The following WDR35 variants were observed in gnomAD, a reference collection of about 807,000 sequenced individuals.
WDR35 encodes the protein WD repeat domain 35.
Under a neutral mutation model 158.3 loss-of-function variants are expected in WDR35, and 118 were observed. The ratio of observed to expected loss-of-function variants is 0.75; its 90% confidence interval spans 0.64 to 0.87. The LOEUF is 0.87. Ranked by LOEUF, WDR35 falls within the 40% of genes least tolerant of loss-of-function variation. The pLI, the probability that WDR35 is intolerant of heterozygous loss-of-function variation, is 0.00. For synonymous variants in WDR35, 448 were observed against 476.1 expected, an observed-to-expected ratio of 0.94 and a Z score of 0.77; for missense variants, 1,263 against 1,405.8, an observed-to-expected ratio of 0.90 and a Z score of 1.62.
In WDR35 at chr2:19,990,009, A is replaced by G; in HGVS notation, c.7T>C (p.Phe3Leu). Residue 3 changes from phenylalanine to leucine, a missense_variant, in exon 1 of 27, where the codon TTC becomes CTC. Transcript: ENST00000281405. MF[F>L]YLSKKISIPN... ...AAACTCACTTTCTTGCTCAGGTAGA[A>G]GAACATCGTGGGATCCCCGAGAGGG... The G allele has an allele frequency of 2.5e-6, 4 of 1,614,050 alleles. No individual in the cohort carries two copies. The highest frequency in any genetic ancestry group is 3.4e-6 in the Non-Finnish European group (4 of 1,179,976).
chr2:19,971,618 T>C (rs780527647), intron 8 of WDR35, among the ~76,000 whole-genome samples: 3 of 152,162 alleles, frequency 2.0e-5, no homozygotes, highest in Non-Finnish European at 4.4e-5. Flanking sequence ...TTGAGCTCCA[T>C]TTTCCCAAGG....
intron 2 of WDR35, among the ~76,000 whole-genome samples, chr2:19,987,559 C>T (rs1307736734): frequency 3.9e-5 from 6 of 152,088 alleles, no homozygotes. Flanking sequence ...CACGGTGGCT[C>T]ACACCTGTAA....
intron 11 of WDR35, among the ~76,000 whole-genome samples, chr2:19,954,456 A>G (rs1283292107): frequency 6.6e-6 from 1 of 152,226 alleles, no homozygotes; most frequent in East Asian, 1.9e-4. Flanking sequence ...AAATATAAAG[A>G]ACTCTTACAA....
chr2:19,914,092 T>A lies in WDR35; in HGVS notation c.3307A>T (p.Thr1103Ser), dbSNP rs774898515. 183 of 1,614,060 alleles carry A rather than the reference T, an allele frequency of 1.1e-4. No individual in the cohort carries two copies. Among genetic ancestry groups the A allele is most frequent in the Non-Finnish European group, 1.5e-4 (178 of 1,180,012 alleles). The change falls in exon 26 of 27, where the codon ACC (threonine) becomes TCC (serine). Residue 1103 changes from threonine (T) to serine (S), a missense_variant. Thr to Ser is a moderately conservative substitution (Grantham distance 58). Transcript: ENST00000281405. ...QYEDLALEIF[T>S]KHTSKDNRKP... ...CTGTTATCTTTTGAAGTATGTTTGG[T>A]GAAGATTTCTAAAGCAAGGTCTTCA...
chr2:19,938,553 T>A, intron 17 of WDR35, 152 bp from the exon 18 acceptor site: 1 of 1,059,442 alleles, frequency 9.4e-7, no homozygotes, highest in Non-Finnish European at 1.3e-6. Context: ...CACGTTTGGG[T>A]CTTTTGAGTT....
intron 9 of WDR35, among the ~76,000 whole-genome samples, chr2:19,967,302 C>T (rs1288461930): frequency 6.6e-6 from 1 of 151,944 alleles, no homozygotes; most frequent in Non-Finnish European, 1.5e-5. Flanking sequence ...GCCTTTTTAC[C>T]CCCATCCATA....
chr2:19,970,613 T>A (rs1462053545), intron 8 of WDR35, among the ~76,000 whole-genome samples: 1 of 152,272 alleles, frequency 6.6e-6, no homozygotes, highest in Non-Finnish European at 1.5e-5. Flanking sequence ...TTCTTTAGCA[T>A]GGCATACAAT....
At chr2:19,932,479 A>T (rs746223182) in intron 22 of WDR35, 32 bp from the exon 23 acceptor site, 31 of 1,612,370 alleles carry the variant, frequency 1.9e-5, no homozygotes, top group South Asian at 1.6e-4. Context: ...TCAGTCACCC[A>T]AGTATTTACA....
At chr2:19,980,900 G>A in intron 3 of WDR35, 117 bp from the exon 4 acceptor site, 1 of 858,758 alleles carries the variant, frequency 1.2e-6, no homozygotes, top group Admixed American at 2.2e-5. Flanking sequence ...CAGCTAACTA[G>A]TCTTTAATAT....
intron 23 of WDR35, among the ~76,000 whole-genome samples, chr2:19,931,981 A>C (rs544374302): frequency 3.3e-5 from 5 of 152,246 alleles, no homozygotes; most frequent in Admixed American, 1.3e-4. Context: ...CTCTATTATC[A>C]ACAAAATTTA....
At chr2:19,948,095 C>A in intron 14 of WDR35, 69 bp downstream of exon 14, 3 of 1,324,980 alleles carry the variant, frequency 2.3e-6, no homozygotes, top group East Asian at 5.1e-5. Context: ...GGGGCACACA[C>A]CTGGCTCCTA....
At chr2:19,949,776 G>C (rs1055947597) in intron 13 of WDR35, among the ~76,000 whole-genome samples, 1 of 152,160 alleles carries the variant, frequency 6.6e-6, no homozygotes, top group Non-Finnish European at 1.5e-5. Context: ...GCCAATTTGA[G>C]GGAAATTTAG....
intron 25 of WDR35, among the ~76,000 whole-genome samples, chr2:19,917,510 G>A (rs1211904167): frequency 1.3e-5 from 2 of 152,150 alleles, no homozygotes; most frequent in South Asian, 2.1e-4. Context: ...AAGGTTAGAC[G>A]AATTGCTAAC....
At position 19,912,800 on chromosome 2, in the gene WDR35, T is replaced by C. The variant is rs948861492; in HGVS notation, c.*758A>G. ...AAAATCACTCCCTCAACAATACTTG[T>C]GTAAATAAACGGTCCAACTTAGTGA... On this transcript the variant is annotated 3_prime_UTR_variant, in exon 27 of 27. Coordinates refer to ENST00000281405, the MANE Select transcript of WDR35 (RefSeq NM_020779.4). 3 of 152,334 alleles carry C rather than the reference T, an allele frequency of 2.0e-5. No individual in the cohort carries two copies. The highest frequency in any genetic ancestry group is 2.9e-5 in the Non-Finnish European group (2 of 68,028). 9.4% of individuals were successfully genotyped at this position (152,334 alleles called of 1,614,324 possible). A position where few individuals can be genotyped will look rare whatever the true frequency, so the allele number is the denominator to read the frequency against.
rs558623198 is a variant in WDR35 at position 19,939,632 on chromosome 2, G to A, written c.1927-1231C>T. On this transcript the variant is annotated intron_variant, in intron 17 of 26. Coordinates refer to ENST00000281405, the MANE Select transcript of WDR35 (RefSeq NM_020779.4). ...AAATCCATATTTCCATATATAACTTGCAGCTGTAAGGAATGATGTTCTGAT... is the reference window on the plus strand; with the variant it reads ...AAATCCATATTTCCATATATAACTTACAGCTGTAAGGAATGATGTTCTGAT... 3.9e-5 allele frequency among the ~76,000 whole-genome samples: 6 copies of A among 152,072 alleles called. 2 individuals carry two copies. The South Asian group carries it at 1.2e-3, about 32-fold the overall frequency.
At chr2:19,954,346 C>T (rs1162054440) in intron 11 of WDR35, among the ~76,000 whole-genome samples, 1 of 152,110 alleles carries the variant, frequency 6.6e-6, no homozygotes, top group Non-Finnish European at 1.5e-5. Context: ...AAATTAAAAA[C>T]ATTTGGGCTT....
At chr2:19,931,945 A>C (rs971776400) in intron 23 of WDR35, among the ~76,000 whole-genome samples, 1 of 152,140 alleles carries the variant, frequency 6.6e-6, no homozygotes, top group African/African-American at 2.4e-5. Context: ...AATATTTAAA[A>C]CTTGTACATT....
At chr2:19,920,452 C>T (rs879588463) in intron 25 of WDR35, among the ~76,000 whole-genome samples, 11 of 152,220 alleles carry the variant, frequency 7.2e-5, no homozygotes, top group Non-Finnish European at 1.6e-4. Flanking sequence ...ATATAATCCA[C>T]CACATAAACA....
At chr2:19,966,637 C>T in intron 10 of WDR35, 87 bp downstream of exon 10, 1 of 1,467,892 alleles carries the variant, frequency 6.8e-7, no homozygotes, top group East Asian at 2.3e-5. Context: ...ATGTACTTGC[C>T]AGTGTAGAGG....
Sources: allele counts gnomAD v4.1 joint callset (sites outside exome capture counted in the v4.1 genomes callset), GRCh38; gene constraint gnomAD v4.1.1; transcripts MANE v1.5; gene names NCBI Gene and HGNC (gene_info 2026-07-23, HGNC 2026-07-21).